PCDHA12: variants seen among roughly 807,000 people sequenced by gnomAD.
The protein encoded by PCDHA12 is protocadherin alpha 12.
A neutral mutation model predicts 60.0 loss-of-function variants in PCDHA12; 44 were observed. The observed-to-expected ratio is 0.73, with a 90% CI of 0.58 to 0.94. The LOEUF is 0.94. Ranked by LOEUF, PCDHA12 falls within the 40% of genes least tolerant of loss-of-function variation. The probability of loss-of-function intolerance (pLI) is 0.00; values close to 1 mark genes in which losing one functional copy is unlikely to be tolerated. For synonymous variants in PCDHA12, 569 were observed against 553.0 expected (o/e 1.03, Z -0.40); for missense variants, 1,276 against 1,239.7 (o/e 1.03, Z -0.44).
At chr5:140,979,168 G>T in intron 2 of PCDHA12, 161 bp downstream of exon 2, 6 of 966,502 alleles carry the variant, frequency 6.2e-6, no homozygotes, top group Non-Finnish European at 7.4e-6. Context: ...TTCCTTGAAA[G>T]ATCGCAAATG....
chr5:140,920,612 G>A (rs1389841013), intron 1 of PCDHA12, among the ~76,000 whole-genome samples: 3 of 152,092 alleles, frequency 2.0e-5, no homozygotes, highest in Non-Finnish European at 2.9e-5. Flanking sequence ...TTGGGAGGCC[G>A]AGGCGGATGG....
intron 3 of PCDHA12, among the ~76,000 whole-genome samples, chr5:140,990,310 C>A (rs1371432693): frequency 3.9e-5 from 6 of 152,110 alleles, no homozygotes; most frequent in African/African-American, 1.2e-4. Context: ...CTGTAAAAAA[C>A]CAACCAAACA....
At chr5:140,972,660 ATTTTT>A (rs11350929) in intron 1 of PCDHA12, among the ~76,000 whole-genome samples, 2 of 117,266 alleles carry the variant, frequency 1.7e-5, no homozygotes, top group African/African-American at 3.3e-5. Flanking sequence ...AAGAAACCAA[ATTTTT>A]TTTTTTTTTT....
chr5:140,972,621 G>T (rs1278363112), intron 1 of PCDHA12, among the ~76,000 whole-genome samples: 1 of 148,458 alleles, frequency 6.7e-6, no homozygotes, highest in South Asian at 2.1e-4. Flanking sequence ...ACTGAATGTT[G>T]TTGGCACTCC....
chr5:140,877,419 G>A lies in PCDHA12; in HGVS notation c.1947G>A (p.Val649=), dbSNP rs1554169722. Residue 649 remains valine (V), a synonymous_variant, in exon 1 of 4, where the codon GTG becomes GTA. Transcript: ENST00000398631. ...ACGCTCCGCGCCACCGCCTGCTGGTGCTGGTGAAGGACCACGGTGAGCCCG... is the reference window on the plus strand; with the variant it reads ...ACGCTCCGCGCCACCGCCTGCTGGTACTGGTGAAGGACCACGGTGAGCCCG... The part of the protein sequence containing the change: ...EADAPRHRLL[V]LVKDHGEPAL... 1 of 1,613,922 alleles carries A rather than the reference G, an allele frequency of 6.2e-7. No homozygotes were observed. The highest frequency in any genetic ancestry group is 8.5e-7 in the Non-Finnish European group (1 of 1,179,880).
chr5:141,010,158 G>A lies in PCDHA12; in HGVS notation c.*221G>A. 6.4e-7 allele frequency: 1 copy of A among 1,570,690 alleles called. No homozygotes were observed. Among genetic ancestry groups the A allele is most frequent in the Non-Finnish European group, 8.6e-7 (1 of 1,156,884 alleles). On this transcript the variant is annotated 3_prime_UTR_variant, in exon 4 of 4. Coordinates refer to ENST00000398631, the MANE Select transcript of PCDHA12 (RefSeq NM_018903.4). Reference sequence around the variant, plus strand: ...TAACTCTTTCTCTCCACTCTGGCTTGTTTTCAGAACCTAAAAAGCAGACCC... The same window carrying A: ...TAACTCTTTCTCTCCACTCTGGCTTATTTTCAGAACCTAAAAAGCAGACCC...
At position 140,875,991 on chromosome 5, in the gene PCDHA12, T is replaced by C; in HGVS notation, c.519T>C (p.Ser173=). ...ACTCTCTTTTGACCTATGCGTTAAG[T>C]CTAAATGAGAATTTTGAGCTTAAAA... The part of the protein sequence containing the change: ...GVNSLLTYAL[S]LNENFELKIK... The change falls in exon 1 of 4, where the codon AGT becomes AGC. Residue 173 remains serine, a synonymous_variant. Coordinates refer to ENST00000398631, the MANE Select transcript of PCDHA12 (RefSeq NM_018903.4). 1.2e-6 allele frequency: 2 copies of C among 1,613,966 alleles called. No homozygotes were observed. The highest frequency in any genetic ancestry group is 2.2e-5 in the South Asian group (2 of 91,068).
At chr5:141,007,806 T>G (rs979059299) in intron 3 of PCDHA12, among the ~76,000 whole-genome samples, 12 of 152,220 alleles carry the variant, frequency 7.9e-5, no homozygotes, top group Non-Finnish European at 1.3e-4. Context: ...TATCTGCCAT[T>G]CATTTGCCTT....
At chr5:140,889,414 C>T (rs1014981678) in intron 1 of PCDHA12, among the ~76,000 whole-genome samples, 3 of 151,934 alleles carry the variant, frequency 2.0e-5, no homozygotes, top group Admixed American at 6.6e-5. Flanking sequence ...GAGTCAGTTA[C>T]GTAGATAATA....
chr5:140,988,750 C>G (rs1282256432), intron 3 of PCDHA12, among the ~76,000 whole-genome samples: 1 of 152,074 alleles, frequency 6.6e-6, no homozygotes, highest in Non-Finnish European at 1.5e-5. Context: ...GATTGGTGGC[C>G]TGGGCAGAAT....
In PCDHA12 at chr5:140,876,948, C is replaced by T; in HGVS notation, c.1476C>T (p.Tyr492=). ...ADAQKNALVS[Y]SLVERRVGEH... is the part of the protein sequence containing the mutation. ...CGCAGAAGAACGCGCTGGTGTCCTA[C>T]TCGCTGGTGGAGCGGCGGGTGGGCG... Residue 492 remains tyrosine (Y), a synonymous_variant, in exon 1 of 4, where the codon TAC becomes TAT. Coordinates refer to ENST00000398631, the MANE Select transcript of PCDHA12 (RefSeq NM_018903.4). 2 of 1,613,572 alleles carry T rather than the reference C, an allele frequency of 1.2e-6. No individual in the cohort carries two copies. Among genetic ancestry groups the T allele is most frequent in the Non-Finnish European group, 1.7e-6 (2 of 1,179,876 alleles).
At chr5:140,879,396 T>C (rs2057974571) in intron 1 of PCDHA12, among the ~76,000 whole-genome samples, 1 of 152,174 alleles carries the variant, frequency 6.6e-6, no homozygotes, top group Non-Finnish European at 1.5e-5. Context: ...AAACAGTTTG[T>C]GTGTATTTGA....
chr5:140,981,917 A>G (rs1465971302), intron 2 of PCDHA12, among the ~76,000 whole-genome samples: 1 of 152,218 alleles, frequency 6.6e-6, no homozygotes, highest in Non-Finnish European at 1.5e-5. Flanking sequence ...GTGGTGATCA[A>G]GTTTCTCTAG....
intron 1 of PCDHA12, among the ~76,000 whole-genome samples, chr5:140,976,067 T>C (rs1554237245): frequency 6.6e-6 from 1 of 152,218 alleles, no homozygotes; most frequent in Non-Finnish European, 1.5e-5. Flanking sequence ...ATATATGTCT[T>C]ACTGTGTCAG....
intron 1 of PCDHA12, chr5:140,881,257 C>T (rs2058639669): frequency 2.0e-6 from 1 of 512,572 alleles, no homozygotes; most frequent in Non-Finnish European, 2.5e-6. Context: ...CAAGGTTTTA[C>T]TCAGTGATGA....
At chr5:140,898,573 T>C (rs1161265188) in intron 1 of PCDHA12, among the ~76,000 whole-genome samples, 3 of 152,250 alleles carry the variant, frequency 2.0e-5, no homozygotes, top group Non-Finnish European at 4.4e-5. Flanking sequence ...ACCAGTGCCA[T>C]GCTGTTTTGG....
intron 1 of PCDHA12, among the ~76,000 whole-genome samples, chr5:140,941,185 C>CTT (rs782102770): frequency 2.0e-5 from 2 of 102,242 alleles, no homozygotes; most frequent in East Asian, 7.3e-4. Context: ...CATCCTGCTT[C>CTT]TTTTTTTTTC....
intron 1 of PCDHA12, among the ~76,000 whole-genome samples, chr5:140,880,149 A>G (rs1347832078): frequency 1.3e-5 from 2 of 152,266 alleles, no homozygotes; most frequent in Non-Finnish European, 2.9e-5. Flanking sequence ...AGTGCAATAT[A>G]TCAAGTATAT....
Position 141,011,113 on chromosome 5 carries a change from GAAAC to G in PCDHA12, c.*1179_*1182del, listed in dbSNP as rs1378492452. 6.5e-6 allele frequency: 1 copy of G among 153,504 alleles called. No homozygotes were observed. The highest frequency in any genetic ancestry group is 2.4e-5 in the African/African-American group (1 of 41,342). 9.5% of individuals were successfully genotyped at this position (153,504 alleles called of 1,614,324 possible). A position where few individuals can be genotyped will look rare whatever the true frequency, so the allele number is the denominator to read the frequency against. ...TTCTCTCTCTCTCTCTCTTTTCTAA[GAAAC>G]AATTATGTGCACTTTGATACACAAC... On this transcript the variant is annotated 3_prime_UTR_variant, in exon 4 of 4. Coordinates refer to ENST00000398631, the MANE Select transcript of PCDHA12 (RefSeq NM_018903.4).
Sources: allele counts gnomAD v4.1 joint callset (sites outside exome capture counted in the v4.1 genomes callset), GRCh38; gene constraint gnomAD v4.1.1; transcripts MANE v1.5; gene names NCBI Gene and HGNC (gene_info 2026-07-23, HGNC 2026-07-21).